Variants in CSGALNACT1 observed in about 807,000 individuals in gnomAD.
CSGALNACT1 encodes the protein beta4GalNAcT-1.
CSGALNACT1 carries 52 observed loss-of-function variants against 51.0 expected under a neutral mutation model. That is an observed-to-expected ratio of 1.02 (90% CI 0.82 to 1.29). The LOEUF (loss-of-function observed/expected upper bound fraction) is 1.29. Ranked by LOEUF, CSGALNACT1 falls within the 50% of genes most tolerant of loss-of-function variation. The pLI is 0.00. For synonymous variants in CSGALNACT1, 341 were observed against 254.4 expected (o/e 1.34, Z -3.24); for missense variants, 935 against 679.2 (o/e 1.38, Z -4.19).
At chr8:19,641,063 C>T (rs2056676016) in intron 1 of CSGALNACT1, among the ~76,000 whole-genome samples, 1 of 150,808 alleles carries the variant, frequency 6.6e-6, no homozygotes. Flanking sequence ...GTCTCTCCTT[C>T]CATGGAGTTC....
intron 4 of CSGALNACT1, among the ~76,000 whole-genome samples, chr8:19,459,472 A>T (rs1222400014): frequency 6.6e-6 from 1 of 151,616 alleles, no homozygotes; most frequent in Non-Finnish European, 1.5e-5. Flanking sequence ...CCCTGGGAGT[A>T]GCTCAGTTCT....
chr8:19,479,717 G>A (rs1416779061), intron 4 of CSGALNACT1, among the ~76,000 whole-genome samples: 1 of 149,668 alleles, frequency 6.7e-6, no homozygotes, highest in Non-Finnish European at 1.5e-5. Context: ...CAGAAGCTGT[G>A]TGATTTAACA....
At chr8:19,479,826 T>TTTTCCCTGTA (rs2070859232) in intron 4 of CSGALNACT1, among the ~76,000 whole-genome samples, 1 of 14,934 alleles carries the variant, frequency 6.7e-5, no homozygotes. Flanking sequence ...AGGAAAGAAC[T>TTTTCCCTGTA]TAGAAAAAAA....
chr8:19,651,375 A>C (rs963802297), intron 1 of CSGALNACT1, among the ~76,000 whole-genome samples: 6 of 152,178 alleles, frequency 3.9e-5, no homozygotes, highest in Admixed American at 3.3e-4. Flanking sequence ...CAAGGTAACA[A>C]GGCTCGCACC....
rs1324657264 is a variant in CSGALNACT1, at chr8:19,485,728, C to T, written c.634+19473G>A. Among the ~76,000 whole-genome samples, 26 of 138,136 alleles carry T rather than the reference C, an allele frequency of 1.9e-4. No homozygotes were observed. The Admixed American group carries it at 2.0e-3, about 11-fold the overall frequency. The allele number at this position is 138,136 out of a possible 152,430, so 90.6% of individuals were successfully genotyped here. On this transcript the variant is annotated intron_variant, in intron 4 of 9. Transcript: ENST00000454498. Reference sequence around the variant, plus strand: ...ATGTAAAACATAGATTTACTGGGCACTAACTAAAGTCTCACTGCCACCTCA... The same window carrying T: ...ATGTAAAACATAGATTTACTGGGCATTAACTAAAGTCTCACTGCCACCTCA...
chr8:19,601,688 C>T (rs1588944406), intron 2 of CSGALNACT1, 83 bp downstream of exon 2: 5 of 367,398 alleles, frequency 1.4e-5, no homozygotes, highest in Non-Finnish European at 1.6e-5. Flanking sequence ...AATGAAATTT[C>T]ATACATTTCA....
chr8:19,616,730 C>A (rs1394451369), intron 1 of CSGALNACT1, among the ~76,000 whole-genome samples: 1 of 152,152 alleles, frequency 6.6e-6, no homozygotes, highest in African/African-American at 2.4e-5. Context: ...TGTATCTGCT[C>A]CTGCCTCACC....
chr8:19,569,752 G>A (rs1381380401), intron 3 of CSGALNACT1, among the ~76,000 whole-genome samples: 2 of 152,118 alleles, frequency 1.3e-5, no homozygotes, highest in Non-Finnish European at 1.5e-5. Context: ...CCACCAGAAA[G>A]CACGAACAAG....
chr8:19,681,984 G>C (rs939245454), intron 1 of CSGALNACT1, among the ~76,000 whole-genome samples: 2 of 152,336 alleles, frequency 1.3e-5, no homozygotes, highest in Middle Eastern at 3.4e-3. Flanking sequence ...GTTTGCATAA[G>C]AGAGGTTGTC....
At chr8:19,701,538 G>A (rs1230536142) in intron 1 of CSGALNACT1, among the ~76,000 whole-genome samples, 1 of 152,044 alleles carries the variant, frequency 6.6e-6, no homozygotes, top group African/African-American at 2.4e-5. Flanking sequence ...TTAACCCTTG[G>A]AGTTTAAGAC....
chr8:19,409,520 G>A (rs200920104), intron 8 of CSGALNACT1, among the ~76,000 whole-genome samples: 1 of 147,282 alleles, frequency 6.8e-6, no homozygotes, highest in Admixed American at 6.8e-5. Flanking sequence ...GAGAGAGAGA[G>A]AAACACACAC....
chr8:19,568,337 C>T (rs1253584925), intron 3 of CSGALNACT1, among the ~76,000 whole-genome samples: 1 of 152,000 alleles, frequency 6.6e-6, no homozygotes, highest in African/African-American at 2.4e-5. Flanking sequence ...TGTATCTAAA[C>T]ATATCAAAAA....
intron 5 of CSGALNACT1, among the ~76,000 whole-genome samples, chr8:19,456,935 C>G (rs1396688578): frequency 6.6e-6 from 1 of 152,196 alleles, no homozygotes; most frequent in Non-Finnish European, 1.5e-5. Context: ...AAGAAATAGA[C>G]TTGTTCAGTC....
intron 3 of CSGALNACT1, among the ~76,000 whole-genome samples, chr8:19,570,497 C>T (rs534719111): frequency 6.6e-6 from 1 of 152,076 alleles, no homozygotes; most frequent in South Asian, 2.1e-4. Flanking sequence ...AAACAGAGAG[C>T]AAGAGGTAAT....
intron 6 of CSGALNACT1, among the ~76,000 whole-genome samples, chr8:19,429,141 C>A (rs2059270945): frequency 6.6e-6 from 1 of 152,004 alleles, no homozygotes; most frequent in Non-Finnish European, 1.5e-5. Flanking sequence ...AGAATATTTC[C>A]TATAAATGGG....
chr8:19,756,075 T>G (rs12114668), intron 1 of CSGALNACT1, among the ~76,000 whole-genome samples: 2,724 of 152,264 alleles, frequency 0.018, 74 homozygotes, highest in African/African-American at 0.062. Context: ...ATTTCCAAGT[T>G]TGAAGGACCT....
intron 3 of CSGALNACT1, among the ~76,000 whole-genome samples, chr8:19,546,914 A>G (rs1018014921): frequency 2.0e-5 from 3 of 152,130 alleles, no homozygotes; most frequent in Non-Finnish European, 4.4e-5. Flanking sequence ...GCTTCACAAT[A>G]TCTCTTCACT....
intron 1 of CSGALNACT1, among the ~76,000 whole-genome samples, chr8:19,692,229 G>A (rs1350835561): frequency 3.3e-5 from 5 of 152,138 alleles, no homozygotes; most frequent in African/African-American, 1.2e-4. Flanking sequence ...AGATTTAGGT[G>A]GGGACACAGC....
chr8:19,738,202 G>A (rs985316954), intron 1 of CSGALNACT1, among the ~76,000 whole-genome samples: 1 of 152,210 alleles, frequency 6.6e-6, no homozygotes, highest in African/African-American at 2.4e-5. Context: ...ACTCCTGAGT[G>A]ACAGAGCAGG....
Sources: gnomAD v4.1 joint callset for allele counts (sites outside exome capture counted in the v4.1 genomes callset) on GRCh38, gnomAD v4.1.1 for gene constraint, MANE v1.5 for transcripts, NCBI Gene and HGNC (gene_info 2026-07-23, HGNC 2026-07-21) for gene names.